Variants in HEPH observed in about 807,000 individuals in gnomAD.
The protein encoded by HEPH is hephaestin.
Under a neutral mutation model 80.8 loss-of-function variants are expected in HEPH, and 69 were observed. The observed-to-expected ratio is 0.85, with a 90% CI of 0.70 to 1.04. The LOEUF is 1.04. Among genes scored for constraint, HEPH ranks in the 50% least tolerant of loss-of-function variants. The pLI, the probability that HEPH is intolerant of heterozygous loss-of-function variation, is 0.00. For synonymous variants in HEPH, 431 were observed against 322.8 expected (o/e 1.34, Z -3.60); for missense variants, 1,115 against 891.3 (o/e 1.25, Z -3.20).
chrX:66,171,345 A>T (rs2086587832), intron 2 of HEPH: 1 of 159,905 alleles, frequency 6.3e-6, no homozygotes, highest in Non-Finnish European at 1.2e-5. Context: ...CAAGTCCTAT[A>T]ACTAGTAAAT....
At chrX:66,247,262 C>G (rs1367766869) in intron 15 of HEPH, among the ~76,000 whole-genome samples, 1 of 104,127 alleles carries the variant, frequency 9.6e-6, no homozygotes, top group African/African-American at 3.5e-5. Flanking sequence ...GTTTTTTCTC[C>G]TTTCTCTCTC....
intron 15 of HEPH, among the ~76,000 whole-genome samples, chrX:66,249,308 A>G (rs756125345): frequency 8.9e-6 from 1 of 112,083 alleles, no homozygotes; most frequent in East Asian, 2.8e-4. Context: ...AGCCTTACTT[A>G]TTTCATATAT....
chrX:66,193,621 G>T lies in HEPH; in HGVS notation c.1352G>T (p.Arg451Met). ...GAGAAGATGCATTTGGAGGAAGATA[G>T]GCATCTTGGAATCCTGGGTGAGGAA... ...FQEKMHLEED[R>M]HLGILGPVIR... is the part of the protein sequence containing the mutation. The change falls in exon 8 of 21, where the codon AGG becomes ATG. Residue 451 changes from arginine (R) to methionine (M), a missense_variant. Arg to Met is a moderately conservative substitution (Grantham distance 91). Coordinates refer to ENST00000343002, the MANE Select transcript of HEPH (RefSeq NM_001367233.3). The T allele has an allele frequency of 8.4e-7, 1 of 1,186,465 alleles. No homozygotes were observed. Among genetic ancestry groups the T allele is most frequent in the East Asian group, 3.0e-5 (1 of 33,277 alleles).
Position 66,173,738 on chromosome X carries a change from C to T in HEPH, c.562C>T (p.His188Tyr), listed in dbSNP as rs1338347130. The T allele has an allele frequency of 8.3e-7, 1 of 1,205,354 alleles. No homozygotes were observed. Among genetic ancestry groups the T allele is most frequent in the Non-Finnish European group, 1.1e-6 (1 of 892,773 alleles). ...PACLTWIYHS[H>Y]VDAPRDIATG... ...GTGCCTCACCTGGATCTACCATTCT[C>T]ATGTAGATGCTCCACGAGACATTGC... Residue 188 changes from histidine to tyrosine, a missense_variant, in exon 4 of 21, where the codon CAT (histidine) becomes TAT (tyrosine). Transcript: ENST00000343002.
At chrX:66,199,152 T>G in intron 11 of HEPH, 124 bp downstream of exon 11, 257 of 604,804 alleles carry the variant, frequency 4.2e-4, no homozygotes, top group Non-Finnish European at 5.9e-4. Flanking sequence ...AGAGGCGAGC[T>G]AGATTGAGAG....
At chrX:66,187,592 A>T in intron 4 of HEPH, among the ~76,000 whole-genome samples, 1 of 111,793 alleles carries the variant, frequency 8.9e-6, no homozygotes, top group Middle Eastern at 4.7e-3. Flanking sequence ...GAGTCCTGTG[A>T]TGCGAACTGT....
chrX:66,170,989 A>T (rs937704360), intron 2 of HEPH: 10 of 349,332 alleles, frequency 2.9e-5, no homozygotes, highest in Middle Eastern at 7.6e-4. Flanking sequence ...TTCTAATCTC[A>T]TACCCACAAT....
At chrX:66,231,947 G>A (rs1401171986) in intron 15 of HEPH, among the ~76,000 whole-genome samples, 5 of 110,720 alleles carry the variant, frequency 4.5e-5, no homozygotes, top group Non-Finnish European at 7.5e-5. Context: ...TTTGAAGTAC[G>A]TCCCATGAAT....
At chrX:66,163,118 G>C (rs943706122), upstream of HEPH, among the ~76,000 whole-genome samples, 1 of 111,361 alleles carries the variant, frequency 9.0e-6, no homozygotes, top group African/African-American at 3.3e-5. Flanking sequence ...GGGCTGGGAG[G>C]GTCCATATCT....
intron 18 of HEPH, among the ~76,000 whole-genome samples, chrX:66,259,874 A>G (rs991217552): frequency 4.7e-5 from 5 of 107,309 alleles, no homozygotes; most frequent in Non-Finnish European, 9.6e-5. Context: ...ATGCCCGGCA[A>G]TTTTTTTTAT....
intron 5 of HEPH, among the ~76,000 whole-genome samples, chrX:66,188,870 T>C (rs1193314691): frequency 7.1e-5 from 8 of 112,490 alleles, no homozygotes; most frequent in African/African-American, 2.6e-4. Flanking sequence ...TTGCTGTGGG[T>C]TGCCCACTGA....
chrX:66,227,513 A>G (rs1474276828), intron 15 of HEPH, among the ~76,000 whole-genome samples: 3 of 111,852 alleles, frequency 2.7e-5, no homozygotes, highest in Non-Finnish European at 3.8e-5. Flanking sequence ...ATGATTGTAT[A>G]CCTACAAAAC....
chrX:66,241,523 A>G (rs1228349082), intron 15 of HEPH, among the ~76,000 whole-genome samples: 1 of 111,813 alleles, frequency 8.9e-6, no homozygotes, highest in Non-Finnish European at 1.9e-5. Flanking sequence ...GGGGTACTAT[A>G]TAATGATAAA....
chrX:66,203,272 T>C (rs2088567524), intron 12 of HEPH, 92 bp from the exon 13 acceptor site: 2 of 726,279 alleles, frequency 2.8e-6, no homozygotes, highest in African/African-American at 4.2e-5. Flanking sequence ...AACTAACTCT[T>C]TTCTGCAGTA....
At chrX:66,229,042 G>C (rs971336125) in intron 15 of HEPH, among the ~76,000 whole-genome samples, 1 of 112,063 alleles carries the variant, frequency 8.9e-6, no homozygotes, top group East Asian at 2.8e-4. Context: ...TCTACCCAGT[G>C]AAAAGAAGTC....
chrX:66,192,207 C>G lies in HEPH; in HGVS notation c.1141C>G (p.Gln381Glu). ...GGACCTGCTCACAGGCAAAGTTCGA[C>G]AGTACTTCATTGAGGCCCATGAGAT... ...PVDLLTGKVR[Q>E]YFIEAHEIQW... Residue 381 changes from glutamine (Q) to glutamate (E), a missense_variant, in exon 7 of 21, where the codon CAG becomes GAG. Gln to Glu is a conservative substitution (Grantham distance 29). This residue lies in a region of HEPH where 391 missense variants were observed against 343.6 expected (regional missense o/e 1.14). Transcript: ENST00000343002. 8.3e-7 allele frequency: 1 copy of G among 1,210,772 alleles called. No homozygotes were observed. Among genetic ancestry groups the G allele is most frequent in the Non-Finnish European group, 1.1e-6 (1 of 894,800 alleles).
intron 17 of HEPH, among the ~76,000 whole-genome samples, chrX:66,258,140 T>C (rs1165195179): frequency 1.8e-5 from 2 of 112,056 alleles, no homozygotes; most frequent in Admixed American, 1.9e-4. Flanking sequence ...ATACATACAT[T>C]CTTTCCTGCA....
chrX:66,217,179 G>T (rs2089435401), intron 15 of HEPH, among the ~76,000 whole-genome samples: 1 of 111,240 alleles, frequency 9.0e-6, no homozygotes, highest in South Asian at 3.8e-4. Context: ...GAAGCTCAAA[G>T]AACACTTGGG....
chrX:66,203,663 TATCTC>T lies in HEPH; in HGVS notation c.2291+88_2291+92del, dbSNP rs1392028236. 4 of 791,519 alleles carry T rather than the reference TATCTC, an allele frequency of 5.1e-6. No individual in the cohort carries two copies. The African/African-American group carries it at 6.2e-5, about 12-fold the overall frequency. 65.2% of individuals were successfully genotyped at this position (791,519 alleles called of 1,213,427 possible). Reference sequence around the variant, plus strand: ...TGAAATTCTGAGATGAGGAGACTCTTATCTCAGGTCTCCTAATGTGATACCAACAG... The same window carrying T: ...TGAAATTCTGAGATGAGGAGACTCTTAGGTCTCCTAATGTGATACCAACAG... On this transcript the variant is annotated intron_variant, in intron 13 of 20. Transcript: ENST00000343002.
Sources: allele counts gnomAD v4.1 joint callset (sites outside exome capture counted in the v4.1 genomes callset), GRCh38; gene constraint gnomAD v4.1.1; regional missense constraint gnomAD v4.1.1; transcripts MANE v1.5; gene names NCBI Gene and HGNC (gene_info 2026-07-23, HGNC 2026-07-21).